The following ITPRID1 variants were observed in gnomAD, a reference collection of about 807,000 sequenced individuals.
ITPRID1 encodes the protein ITPR interacting domain containing 1.
A neutral mutation model predicts 95.4 loss-of-function variants in ITPRID1; 96 were observed. That is an observed-to-expected ratio of 1.01 (90% confidence interval 0.85 to 1.19). The LOEUF (loss-of-function observed/expected upper bound fraction) is 1.19. Among genes scored for constraint, ITPRID1 ranks in the 50% most tolerant of loss-of-function variants. ITPRID1 has a pLI of 0.00. For synonymous variants in ITPRID1, 510 were observed against 453.6 expected (o/e 1.12, Z -1.58); for missense variants, 1,339 against 1,252.9 (o/e 1.07, Z -1.04).
At chr7:31,624,839 C>T (rs1460788180) in intron 10 of ITPRID1, among the ~76,000 whole-genome samples, 2 of 152,000 alleles carry the variant, frequency 1.3e-5, no homozygotes, top group South Asian at 2.1e-4. Context: ...ACAGGCAACC[C>T]ACAAAATGGG....
chr7:31,585,336 G>C (rs1275652989), intron 10 of ITPRID1, among the ~76,000 whole-genome samples: 1 of 152,114 alleles, frequency 6.6e-6, no homozygotes, highest in Non-Finnish European at 1.5e-5. Flanking sequence ...GAAAAATTAT[G>C]TTTAAGCATT....
intron 10 of ITPRID1, among the ~76,000 whole-genome samples, chr7:31,640,757 G>A (rs1049633226): frequency 6.6e-6 from 1 of 151,752 alleles, no homozygotes; most frequent in African/African-American, 2.4e-5. Context: ...TTAGATCTAT[G>A]ACTTGCAAAT....
rs1264708743 is a variant in ITPRID1, at chr7:31,583,170, G to A, written c.1207G>A (p.Asp403Asn). 1 of 1,611,398 alleles carries A rather than the reference G, an allele frequency of 6.2e-7. No individual in the cohort carries two copies. The highest frequency in any genetic ancestry group is 8.5e-7 in the Non-Finnish European group (1 of 1,177,942). The change falls in exon 10 of 15, where the codon GAC becomes AAC. Residue 403 changes from aspartate (D) to asparagine (N), a missense_variant. Coordinates refer to ENST00000615280, the MANE Select transcript of ITPRID1 (RefSeq NM_001257967.3). Reference protein sequence around the residue: ...SFEEETGNPLDMTSGTVGARV... With the variant: ...SFEEETGNPLNMTSGTVGARV... The stretch of plus-strand genomic sequence containing the variant: ...TGAAGAAGAGACTGGTAATCCTCTT[G>A]ACATGACTTCAGGAACTGTAGGTAA...
intron 10 of ITPRID1, among the ~76,000 whole-genome samples, chr7:31,583,476 A>G (rs1785479959): frequency 6.6e-6 from 1 of 152,070 alleles, no homozygotes; most frequent in African/African-American, 2.4e-5. Context: ...AAATACAAAA[A>G]AAATTAGCTG....
chr7:31,575,196 G>C (rs926434335), intron 8 of ITPRID1, among the ~76,000 whole-genome samples: 1 of 152,138 alleles, frequency 6.6e-6, no homozygotes, highest in African/African-American at 2.4e-5. Context: ...ATGGTGAGCA[G>C]CACTAATATG....
chr7:31,647,415 A>G (rs1270998922), intron 12 of ITPRID1, among the ~76,000 whole-genome samples: 1 of 151,986 alleles, frequency 6.6e-6, no homozygotes, highest in Non-Finnish European at 1.5e-5. Flanking sequence ...TAATCCCAAC[A>G]CTTTGGGAGG....
chr7:31,518,248 G>A (rs1783111052), intron 1 of ITPRID1: 1 of 152,240 alleles, frequency 6.6e-6, no homozygotes, highest in Non-Finnish European at 1.5e-5. Flanking sequence ...ATTTCCTTTA[G>A]AGCTTCCAGG....
chr7:31,572,671 G>A (rs1785032515), intron 7 of ITPRID1, among the ~76,000 whole-genome samples: 1 of 151,982 alleles, frequency 6.6e-6, no homozygotes. Context: ...ATAATTGAGG[G>A]GAGTGAAAGC....
intron 10 of ITPRID1, among the ~76,000 whole-genome samples, chr7:31,596,198 AAAAT>A (rs1313640375): frequency 3.3e-5 from 5 of 151,460 alleles, no homozygotes; most frequent in African/African-American, 7.2e-5. Flanking sequence ...CCATAGGGGA[AAAAT>A]AAATAAACAT....
intron 9 of ITPRID1, among the ~76,000 whole-genome samples, chr7:31,581,877 A>G (rs1207028327): frequency 6.6e-6 from 1 of 152,200 alleles, no homozygotes; most frequent in Non-Finnish European, 1.5e-5. Context: ...GCTAAGAAGT[A>G]TGTCTAATAG....
In ITPRID1 at chr7:31,643,888, C is replaced by CTGGTCACTGGGCTTCCTGGTG. The variant is rs775007101; in HGVS notation, c.2518_2519insTGGTCACTGGGCTTCCTGGTG (p.Gln840delinsLeuValThrGlyLeuProGlyGlu). 1.2e-6 allele frequency: 2 copies of CTGGTCACTGGGCTTCCTGGTG among 1,613,886 alleles called. No homozygotes were observed. The highest frequency in any genetic ancestry group is 2.2e-5 in the South Asian group (2 of 91,082). On this transcript the variant is annotated protein_altering_variant, in exon 12 of 15. Coordinates refer to ENST00000615280, the MANE Select transcript of ITPRID1 (RefSeq NM_001257967.3). Reference sequence around the variant, plus strand: ...CTGCCTGTGTTCACTAACTGGTCACCAGGAAGCCCAGTTCATGACGACTTT... The same window carrying CTGGTCACTGGGCTTCCTGGTG: ...CTGCCTGTGTTCACTAACTGGTCACCTGGTCACTGGGCTTCCTGGTGAGGAAGCCCAGTTCATGACGACTTT...
At chr7:31,639,037 A>C (rs537164035) in intron 10 of ITPRID1, among the ~76,000 whole-genome samples, 5 of 152,294 alleles carry the variant, frequency 3.3e-5, no homozygotes, top group Non-Finnish European at 5.9e-5. Context: ...TCGGCCTCCC[A>C]AAGTGCTGGG....
chr7:31,600,379 A>C (rs1019717146), intron 10 of ITPRID1, among the ~76,000 whole-genome samples: 4 of 152,218 alleles, frequency 2.6e-5, no homozygotes, highest in South Asian at 2.1e-4. Context: ...AACTGCCCTA[A>C]ACATTTCAAT....
rs767669148 is a variant in ITPRID1, at chr7:31,643,473, T to C, written c.2103T>C (p.Asn701=). ...TEAEMENLPL[N]TGSSRSVMTQ... ...CTGAGATGGAAAACCTTCCTCTAAA[T>C]ACTGGCAGCTCCAGGTCTGTAATGA... Residue 701 remains asparagine, a synonymous_variant, in exon 12 of 15, where the codon AAT becomes AAC. Coordinates refer to ENST00000615280, the MANE Select transcript of ITPRID1 (RefSeq NM_001257967.3). The C allele has an allele frequency of 1.2e-6, 2 of 1,613,894 alleles. No individual in the cohort carries two copies. Among genetic ancestry groups the C allele is most frequent in the South Asian group, 1.1e-5 (1 of 91,090 alleles).
At chr7:31,615,131 C>CTT (rs1347752922) in intron 10 of ITPRID1, among the ~76,000 whole-genome samples, 1 of 152,090 alleles carries the variant, frequency 6.6e-6, no homozygotes, top group African/African-American at 2.4e-5. Flanking sequence ...TAATCCAGAA[C>CTT]TTAGTCCTTA....
intron 12 of ITPRID1, among the ~76,000 whole-genome samples, chr7:31,645,997 G>A (rs920614957): frequency 2.0e-5 from 3 of 152,060 alleles, no homozygotes; most frequent in Admixed American, 6.5e-5. Flanking sequence ...GCCGTATGGG[G>A]GAAAATATTA....
intron 5 of ITPRID1, among the ~76,000 whole-genome samples, chr7:31,558,493 G>T (rs1784524993): frequency 6.6e-6 from 1 of 152,034 alleles, no homozygotes; most frequent in Non-Finnish European, 1.5e-5. Flanking sequence ...TTTTATGTCA[G>T]TAAAGTGTCT....
intron 1 of ITPRID1, among the ~76,000 whole-genome samples, chr7:31,541,979 T>A (rs1744765737): frequency 6.6e-6 from 1 of 152,192 alleles, no homozygotes; most frequent in South Asian, 2.1e-4. Context: ...CAATTAACCT[T>A]CCAAAACTTG....
At chr7:31,640,246 T>TTCCCTA (rs1789898444) in intron 10 of ITPRID1, among the ~76,000 whole-genome samples, 2 of 152,196 alleles carry the variant, frequency 1.3e-5, no homozygotes, top group African/African-American at 4.8e-5. Context: ...GGTGGGCACA[T>TTCCCTA]TCCCTATTCC....
Sources: allele counts gnomAD v4.1 joint callset (sites outside exome capture counted in the v4.1 genomes callset), GRCh38; gene constraint gnomAD v4.1.1; transcripts MANE v1.5; gene names NCBI Gene and HGNC (gene_info 2026-07-23, HGNC 2026-07-21).